ARL15: variants seen among roughly 807,000 people sequenced by gnomAD.
ARL15 encodes ARF like GTPase 15.
In ARL15, 19 loss-of-function variants were observed where a neutral mutation model predicts 25.2. The observed-to-expected ratio is 0.75, with a 90% CI of 0.53 to 1.10. ARL15 has a LOEUF of 1.10. Ranked by LOEUF, ARL15 falls within the 50% of genes least tolerant of loss-of-function variation. The pLI is 0.00. For missense variants in ARL15, 220 were observed against 246.0 expected (o/e 0.89, Z 0.71); for synonymous variants, 94 against 86.8 (o/e 1.08, Z -0.46).
intron 4 of ARL15, among the ~76,000 whole-genome samples, chr5:54,035,070 C>A (rs1266181852): frequency 6.6e-6 from 1 of 151,790 alleles, no homozygotes; most frequent in East Asian, 1.9e-4. Context: ...AGAACATAGG[C>A]AAGACAAATA....
intron 1 of ARL15, among the ~76,000 whole-genome samples, chr5:54,281,314 A>T (rs1758059625): frequency 6.6e-6 from 1 of 151,936 alleles, no homozygotes; most frequent in African/African-American, 2.4e-5. Flanking sequence ...TAATTCTTGT[A>T]TTTTTGGTAG....
In ARL15 at chr5:53,909,811, A is replaced by C. The variant is rs182665051; in HGVS notation, c.463-23098T>G. 4.1e-3 allele frequency among the ~76,000 whole-genome samples: 624 copies of C among 152,338 alleles called. 9 individuals carry two copies. Among genetic ancestry groups the C allele is most frequent in the African/African-American group, 0.014 (593 of 41,576 alleles). On this transcript the variant is annotated intron_variant, in intron 4 of 4. Transcript: ENST00000504924. ...AAAACTACACTGTATGCAGAGACAC[A>C]TCCAAGAAGGTAACCTGGCTCACAG... is the stretch of plus-strand genomic sequence containing the variant.
At chr5:54,240,239 A>T (rs1162961005) in intron 1 of ARL15, among the ~76,000 whole-genome samples, 2 of 146,576 alleles carry the variant, frequency 1.4e-5, no homozygotes, top group African/African-American at 2.6e-5. Flanking sequence ...AAATAAAAAA[A>T]AAAAAAACAC....
At chr5:54,168,853 C>T (rs1334100672) in intron 2 of ARL15, among the ~76,000 whole-genome samples, 22 of 152,130 alleles carry the variant, frequency 1.4e-4, no homozygotes, top group Admixed American at 1.4e-3. Context: ...TAACACATAT[C>T]ACATTCTGTC....
intron 3 of ARL15, among the ~76,000 whole-genome samples, chr5:54,132,180 T>C (rs1355416515): frequency 6.6e-6 from 1 of 152,148 alleles, no homozygotes; most frequent in African/African-American, 2.4e-5. Context: ...TATCCCAATA[T>C]GTATATGGAT....
intron 4 of ARL15, among the ~76,000 whole-genome samples, chr5:54,054,561 C>T (rs1307279720): frequency 2.6e-5 from 4 of 152,126 alleles, no homozygotes; most frequent in East Asian, 3.9e-4. Context: ...GAGGCCGAGG[C>T]GGGCGGACCA....
chr5:54,172,989 G>A (rs1754765162), intron 1 of ARL15, among the ~76,000 whole-genome samples: 1 of 152,012 alleles, frequency 6.6e-6, no homozygotes, highest in African/African-American at 2.4e-5. Context: ...GACCAGTCTG[G>A]CCAATGTGGT....
intron 1 of ARL15, among the ~76,000 whole-genome samples, chr5:54,221,925 T>A (rs550275062): frequency 6.6e-6 from 1 of 152,250 alleles, no homozygotes; most frequent in South Asian, 2.1e-4. Context: ...ATACACAGTT[T>A]TTCGTTTGGA....
chr5:54,009,332 T>C (rs556587648), intron 4 of ARL15, among the ~76,000 whole-genome samples: 73 of 152,322 alleles, frequency 4.8e-4, no homozygotes, highest in African/African-American at 1.8e-3. Flanking sequence ...CAACCTAAAA[T>C]TACCAGCTTT....
chr5:53,963,819 A>T (rs1419747626), intron 4 of ARL15, among the ~76,000 whole-genome samples: 2 of 148,434 alleles, frequency 1.3e-5, no homozygotes, highest in African/African-American at 5.2e-5. Flanking sequence ...ACACACACAC[A>T]CACACACACA....
chr5:54,046,300 G>A (rs1750510259), intron 4 of ARL15, among the ~76,000 whole-genome samples: 1 of 152,124 alleles, frequency 6.6e-6, no homozygotes, highest in African/African-American at 2.4e-5. Context: ...GGCCAACATG[G>A]CAAAACCCTG....
chr5:54,230,132 A>G (rs771563204), intron 1 of ARL15, among the ~76,000 whole-genome samples: 14 of 152,074 alleles, frequency 9.2e-5, no homozygotes, highest in Non-Finnish European at 1.9e-4. Context: ...CAGGTGGATC[A>G]CAAGGTCAGG....
intron 4 of ARL15, among the ~76,000 whole-genome samples, chr5:54,064,255 G>A (rs1751150878): frequency 6.6e-6 from 1 of 152,114 alleles, no homozygotes; most frequent in African/African-American, 2.4e-5. Flanking sequence ...TACAGATGAT[G>A]AGATTCTCTC....
At chr5:54,102,902 C>A (rs536901092) in intron 4 of ARL15, among the ~76,000 whole-genome samples, 1 of 152,250 alleles carries the variant, frequency 6.6e-6, no homozygotes, top group East Asian at 1.9e-4. Context: ...ATATGTAGAA[C>A]CTTCTTCCCA....
intron 1 of ARL15, among the ~76,000 whole-genome samples, chr5:54,252,453 C>T (rs909569228): frequency 1.3e-5 from 2 of 152,000 alleles, no homozygotes; most frequent in African/African-American, 4.8e-5. Flanking sequence ...GCTTTTGCTC[C>T]CTGGACTTTC....
intron 1 of ARL15, among the ~76,000 whole-genome samples, chr5:54,297,811 C>G (rs913482071): frequency 2.6e-5 from 4 of 152,130 alleles, no homozygotes; most frequent in Non-Finnish European, 4.4e-5. Context: ...GAGACGGAGT[C>G]TCGCTCTGTC....
intron 1 of ARL15, among the ~76,000 whole-genome samples, chr5:54,289,146 C>T (rs772473664): frequency 6.6e-6 from 1 of 152,116 alleles, no homozygotes; most frequent in East Asian, 1.9e-4. Context: ...ATTTTAGATG[C>T]CCAAGCTGAA....
intron 4 of ARL15, among the ~76,000 whole-genome samples, chr5:54,045,125 T>C (rs1425940005): frequency 2.6e-5 from 4 of 152,176 alleles, no homozygotes; most frequent in African/African-American, 9.7e-5. Flanking sequence ...CACTATACCT[T>C]ACCTGTACCA....
chr5:54,249,467 A>G (rs768407189), intron 1 of ARL15, among the ~76,000 whole-genome samples: 1 of 152,200 alleles, frequency 6.6e-6, no homozygotes, highest in Non-Finnish European at 1.5e-5. Flanking sequence ...TGAAGATAAC[A>G]GAGAAAAAAG....
Sources: gnomAD v4.1 joint callset for allele counts (sites outside exome capture counted in the v4.1 genomes callset) on GRCh38, gnomAD v4.1.1 for gene constraint, MANE v1.5 for transcripts, NCBI Gene and HGNC (gene_info 2026-07-23, HGNC 2026-07-21) for gene names.